PTPRJ: variants seen among roughly 807,000 people sequenced by gnomAD.
PTPRJ encodes protein tyrosine phosphatase receptor type J, also known as receptor-type tyrosine-protein phosphatase eta.
In PTPRJ, 129 loss-of-function variants were observed where a neutral mutation model predicts 141.3. The observed-to-expected ratio is 0.91, with a 90% CI of 0.79 to 1.06. The LOEUF (loss-of-function observed/expected upper bound fraction) is 1.06. Ranked by LOEUF, PTPRJ falls within the 50% of genes least tolerant of loss-of-function variation. PTPRJ has a pLI of 0.00. For synonymous variants in PTPRJ, 610 were observed against 640.5 expected, an observed-to-expected ratio of 0.95 and a Z score of 0.72; for missense variants, 1,601 against 1,679.7, an observed-to-expected ratio of 0.95 and a Z score of 0.82.
In PTPRJ at chr11:48,145,088, C is replaced by T. The variant is rs139144767; in HGVS notation, c.2875C>T (p.Arg959Cys). ...GGCTGAGAGCTATGTGTCCTTCAGTCGCTACTCAGATGCTGTTTCCTTGCC... is the reference window on the plus strand; with the variant it reads ...GGCTGAGAGCTATGTGTCCTTCAGTTGCTACTCAGATGCTGTTTCCTTGCC... ...DGAESYVSFS[R>C]YSDAVSLPQD... Residue 959 changes from arginine (R) to cysteine (C), a missense_variant, in exon 14 of 25, where the codon CGC becomes TGC. Transcript: ENST00000418331. 2.9e-5 allele frequency: 47 copies of T among 1,614,140 alleles called. No homozygotes were observed. Among genetic ancestry groups the T allele is most frequent in the East Asian group, 1.1e-4 (5 of 44,886 alleles).
At chr11:48,142,357 AT>A (rs931731463) in intron 11 of PTPRJ, among the ~76,000 whole-genome samples, 5 of 149,622 alleles carry the variant, frequency 3.3e-5, no homozygotes, top group Non-Finnish European at 3.0e-5. Flanking sequence ...GAACTTTAGG[AT>A]TTTTTTTTTA....
intron 1 of PTPRJ, among the ~76,000 whole-genome samples, chr11:48,035,109 G>A (rs532578809): frequency 5.3e-5 from 8 of 152,268 alleles, no homozygotes; most frequent in Non-Finnish European, 8.8e-5. Flanking sequence ...GGTGATTCAC[G>A]GCACCTGGCT....
At chr11:48,121,406 C>G (rs1856705438) in intron 4 of PTPRJ, 140 bp downstream of exon 4, 1 of 961,540 alleles carries the variant, frequency 1.0e-6, no homozygotes, top group Admixed American at 2.8e-5. Context: ...TATGTTGTTT[C>G]AAGCCTGGGA....
intron 8 of PTPRJ, 132 bp downstream of exon 8, chr11:48,130,848 A>G (rs1856960014): frequency 1.0e-6 from 1 of 986,390 alleles, no homozygotes; most frequent in Non-Finnish European, 1.4e-6. Flanking sequence ...TTTTCATAAC[A>G]CTAATGCTTA....
intron 1 of PTPRJ, among the ~76,000 whole-genome samples, chr11:48,009,575 A>C (rs1854722680): frequency 6.6e-6 from 1 of 152,218 alleles, no homozygotes; most frequent in Non-Finnish European, 1.5e-5. Context: ...CAGCCTGGGC[A>C]ATAGAGCGAG....
At chr11:47,994,703 A>G (rs1206369546) in intron 1 of PTPRJ, among the ~76,000 whole-genome samples, 1 of 152,120 alleles carries the variant, frequency 6.6e-6, no homozygotes, top group Non-Finnish European at 1.5e-5. Context: ...TAAAAAAACA[A>G]TTGAGGTGGA....
chr11:48,167,435 A>G lies in PTPRJ; in HGVS notation c.*73A>G. ...AGCGAAGGCACATGCCCCGATGTCG[A>G]CATGTTTTTATATGTCTAATATCTT... On this transcript the variant is annotated 3_prime_UTR_variant, in exon 25 of 25. Transcript: ENST00000418331. The G allele has an allele frequency of 1.4e-6, 2 of 1,478,206 alleles. No homozygotes were observed. Among genetic ancestry groups the G allele is most frequent in the East Asian group, 2.3e-5 (1 of 43,988 alleles). 91.6% of individuals were successfully genotyped at this position (1,478,206 alleles called of 1,614,324 possible).
At chr11:48,118,665 G>A (rs551888882) in intron 3 of PTPRJ, among the ~76,000 whole-genome samples, 16 of 152,244 alleles carry the variant, frequency 1.1e-4, no homozygotes, top group African/African-American at 3.6e-4. Context: ...AACAATAAAT[G>A]TGCTACACCA....
intron 12 of PTPRJ, among the ~76,000 whole-genome samples, chr11:48,143,493 G>GTC (rs966143412): frequency 4.6e-5 from 7 of 151,846 alleles, no homozygotes; most frequent in African/African-American, 1.2e-4. Flanking sequence ...AACCAACTCT[G>GTC]TCTCTCTCTC....
chr11:48,108,408 C>T (rs1856353855), intron 1 of PTPRJ, among the ~76,000 whole-genome samples: 1 of 152,238 alleles, frequency 6.6e-6, no homozygotes, highest in South Asian at 2.1e-4. Flanking sequence ...AGCAGTGGCA[C>T]TGAACGACTT....
intron 1 of PTPRJ, among the ~76,000 whole-genome samples, chr11:47,999,292 T>C (rs1378519243): frequency 6.6e-6 from 1 of 152,248 alleles, no homozygotes; most frequent in Non-Finnish European, 1.5e-5. Flanking sequence ...GCCCAAGACT[T>C]GCTTGCTTAC....
At chr11:48,127,353 T>C (rs750048719) in intron 6 of PTPRJ, among the ~76,000 whole-genome samples, 1 of 152,194 alleles carries the variant, frequency 6.6e-6, no homozygotes, top group Non-Finnish European at 1.5e-5. Context: ...CTGGGTGTCA[T>C]AGCAGAGTGA....
chr11:48,086,034 AC>A (rs768366159), intron 1 of PTPRJ, among the ~76,000 whole-genome samples: 16 of 151,814 alleles, frequency 1.1e-4, no homozygotes, highest in Non-Finnish European at 2.1e-4. Context: ...AATTCTTGGA[AC>A]CTCCACTTGT....
Position 48,137,012 on chromosome 11 carries a change from A to G in PTPRJ, c.1883A>G (p.Asn628Ser). The change falls in exon 10 of 25, where the codon AAT (asparagine) becomes AGT (serine). Residue 628 changes from asparagine to serine, a missense_variant. Physicochemically the swap from Asn to Ser is conservative, Grantham distance 46 (BLOSUM62 1). Transcript: ENST00000418331. ...TTTTTTTAAAATCAAGGGCCCAGCA[A>G]TGTGTCCAACATTGATGTAAGTACC... ...NSTAQYTRPS[N>S]VSNIDVSTNT... 6.2e-7 allele frequency: 1 copy of G among 1,600,418 alleles called. No individual in the cohort carries two copies. Among genetic ancestry groups the G allele is most frequent in the Non-Finnish European group, 8.6e-7 (1 of 1,167,782 alleles).
chr11:48,087,018 T>C (rs989746109), intron 1 of PTPRJ, among the ~76,000 whole-genome samples: 3 of 152,202 alleles, frequency 2.0e-5, no homozygotes, highest in Non-Finnish European at 2.9e-5. Context: ...ATAATAATAA[T>C]AACACAATGT....
chr11:47,988,879 G>GTTTTT (rs869194701), intron 1 of PTPRJ, among the ~76,000 whole-genome samples: 8 of 76,340 alleles, frequency 1.0e-4, no homozygotes, highest in African/African-American at 3.4e-4. Context: ...ATTGTATCTT[G>GTTTTT]TTTTTTTTTT....
At chr11:48,031,806 G>A (rs1002732332) in intron 1 of PTPRJ, among the ~76,000 whole-genome samples, 8 of 152,154 alleles carry the variant, frequency 5.3e-5, no homozygotes, top group African/African-American at 1.4e-4. Flanking sequence ...TGCATATAGC[G>A]TGGCTCCTGA....
intron 3 of PTPRJ, among the ~76,000 whole-genome samples, chr11:48,118,687 T>C (rs994784024): frequency 1.3e-5 from 2 of 152,168 alleles, no homozygotes; most frequent in Admixed American, 1.3e-4. Flanking sequence ...ATTAACAGAA[T>C]GGAGGACAGA....
intron 1 of PTPRJ, among the ~76,000 whole-genome samples, chr11:48,088,296 G>A (rs946335440): frequency 2.6e-5 from 4 of 152,162 alleles, no homozygotes; most frequent in Non-Finnish European, 5.9e-5. Flanking sequence ...ATATCACAGA[G>A]TAGCAAGCAT....
Sources: allele counts gnomAD v4.1 joint callset (sites outside exome capture counted in the v4.1 genomes callset), GRCh38; gene constraint gnomAD v4.1.1; transcripts MANE v1.5; gene names NCBI Gene and HGNC (gene_info 2026-07-23, HGNC 2026-07-21).